EYS: variants seen among roughly 807,000 people sequenced by gnomAD.
The protein encoded by EYS is protein eyes shut homolog.
In EYS, 250 loss-of-function variants were observed where a neutral mutation model predicts 282.1. The observed-to-expected ratio is 0.89, with a 90% confidence interval of 0.80 to 0.98. The LOEUF is 0.98. EYS is among the 50% of genes least tolerant of loss of function. EYS has a pLI of 0.00. For missense variants in EYS, 4,016 were observed against 3,709.0 expected, an observed-to-expected ratio of 1.08 and a Z score of -2.15; for synonymous variants, 1,355 against 1,282.9, an observed-to-expected ratio of 1.06 and a Z score of -1.20.
intron 1 of EYS, among the ~76,000 whole-genome samples, chr6:65,659,226 C>A (rs973185151): frequency 6.6e-6 from 1 of 151,682 alleles, no homozygotes; most frequent in Non-Finnish European, 1.5e-5. Flanking sequence ...CTGCCACAAA[C>A]AACCTATATA....
chr6:64,025,004 T>G (rs968428947), intron 33 of EYS, among the ~76,000 whole-genome samples: 1 of 152,170 alleles, frequency 6.6e-6, no homozygotes, highest in African/African-American at 2.4e-5. Flanking sequence ...CACCATGTGG[T>G]GAGACCATCG....
At chr6:64,432,559 T>C (rs1774606221) in intron 28 of EYS, among the ~76,000 whole-genome samples, 1 of 150,846 alleles carries the variant, frequency 6.6e-6, no homozygotes, top group Non-Finnish European at 1.5e-5. Context: ...ATATATATTA[T>C]AGTGTAATAT....
At chr6:65,139,172 G>T (rs1581945783) in intron 12 of EYS, among the ~76,000 whole-genome samples, 2 of 151,930 alleles carry the variant, frequency 1.3e-5, no homozygotes, top group Non-Finnish European at 2.9e-5. Flanking sequence ...TAAAGGCAAG[G>T]AATCAACCTA....
chr6:65,159,963 G>C (rs768792713), intron 12 of EYS, among the ~76,000 whole-genome samples: 1 of 150,962 alleles, frequency 6.6e-6, no homozygotes, highest in Non-Finnish European at 1.5e-5. Flanking sequence ...TTAACTTCAA[G>C]GTGATTGATG....
chr6:65,221,128 A>C (rs1281379758), intron 12 of EYS, among the ~76,000 whole-genome samples: 1 of 152,246 alleles, frequency 6.6e-6, no homozygotes. Context: ...AGAGCATAAA[A>C]GTTCATAAAC....
At chr6:65,106,207 A>C (rs575703367) in intron 12 of EYS, among the ~76,000 whole-genome samples, 2 of 152,118 alleles carry the variant, frequency 1.3e-5, no homozygotes, top group East Asian at 3.9e-4. Flanking sequence ...AGGTAGTACG[A>C]TCTCTAGACG....
chr6:64,930,458 A>T (rs1475197175), intron 15 of EYS, among the ~76,000 whole-genome samples: 3 of 104,110 alleles, frequency 2.9e-5, no homozygotes, highest in Non-Finnish European at 5.6e-5. Context: ...TGCATAAATA[A>T]GGTAAAAAAA....
Position 63,726,512 on chromosome 6 carries a change from A to G in EYS, c.8233+7T>C, listed in dbSNP as rs147138312. On this transcript the variant is annotated splice_region_variant and intron_variant, in intron 42 of 42. Coordinates refer to ENST00000503581, the MANE Select transcript of EYS (RefSeq NM_001142800.2). ...CATTCTGCAAACAAACAGCCTGCCA[A>G]TCTTACCTGATTGGGCTTTTAAGTG... 18 of 1,547,746 alleles carry G rather than the reference A, an allele frequency of 1.2e-5. No homozygotes were observed. Among genetic ancestry groups the G allele is most frequent in the African/African-American group, 1.1e-4 (8 of 72,990 alleles).
At chr6:64,774,549 C>T (rs9452831) in intron 22 of EYS, among the ~76,000 whole-genome samples, 42,706 of 151,242 alleles carry the variant, frequency 0.28, 7,314 homozygotes, top group African/African-American at 0.48. Context: ...GCAATGGGTC[C>T]TATGTGGATC....
chr6:64,154,195 C>G (rs184611380), intron 31 of EYS, among the ~76,000 whole-genome samples: 179 of 152,238 alleles, frequency 1.2e-3, no homozygotes, highest in Middle Eastern at 3.4e-3. Context: ...AATCCCAGCA[C>G]TTTGGGATGC....
chr6:64,880,148 G>A (rs1338207488), intron 19 of EYS, among the ~76,000 whole-genome samples: 1 of 151,936 alleles, frequency 6.6e-6, no homozygotes, highest in Admixed American at 6.6e-5. Flanking sequence ...TTACACACAG[G>A]CGGAAAAAGC....
At chr6:64,698,554 G>A (rs1770667070) in intron 22 of EYS, among the ~76,000 whole-genome samples, 2 of 151,980 alleles carry the variant, frequency 1.3e-5, no homozygotes, top group Non-Finnish European at 2.9e-5. Context: ...GACAACCTAT[G>A]GAATGGGAGA....
At chr6:64,833,306 A>T (rs1670204720) in intron 19 of EYS, among the ~76,000 whole-genome samples, 1 of 151,956 alleles carries the variant, frequency 6.6e-6, no homozygotes. Context: ...ACCTGTGTGT[A>T]GCTAGGAAAA....
At chr6:65,019,091 C>T (rs561142183) in intron 13 of EYS, among the ~76,000 whole-genome samples, 152 of 152,260 alleles carry the variant, frequency 1.0e-3, no homozygotes, top group African/African-American at 3.4e-3. Context: ...CCGATGATTT[C>T]ACCACTTGGA....
At chr6:65,696,520 T>C (rs772289872) in intron 1 of EYS, among the ~76,000 whole-genome samples, 1 of 152,014 alleles carries the variant, frequency 6.6e-6, no homozygotes, top group Non-Finnish European at 1.5e-5. Flanking sequence ...GTTGCTATCA[T>C]TATTACAAAC....
chr6:63,866,375 G>T (rs1411063133), intron 35 of EYS, among the ~76,000 whole-genome samples: 3 of 152,156 alleles, frequency 2.0e-5, no homozygotes, highest in Non-Finnish European at 1.5e-5. Context: ...TAGGAAAGTA[G>T]CATTCTTGAG....
At chr6:64,839,953 TG>T (rs1349484472) in intron 19 of EYS, among the ~76,000 whole-genome samples, 1 of 152,072 alleles carries the variant, frequency 6.6e-6, no homozygotes, top group Non-Finnish European at 1.5e-5. Flanking sequence ...TTTTAACACA[TG>T]AATTTTGGGG....
intron 12 of EYS, among the ~76,000 whole-genome samples, chr6:65,065,384 AT>A (rs34618936): frequency 2.7e-3 from 383 of 142,920 alleles, no homozygotes; most frequent in Admixed American, 3.2e-3. Context: ...GAAAAAAACA[AT>A]TTTTTTTTTT....
chr6:63,864,393 AAC>A (rs1772622203), intron 35 of EYS, 35 bp from the exon 36 acceptor site: 1 of 1,506,298 alleles, frequency 6.6e-7, no homozygotes, highest in African/African-American at 1.4e-5. Flanking sequence ...TTCATTAGGA[AAC>A]AACTGATATT....
Sources: allele counts gnomAD v4.1 joint callset (sites outside exome capture counted in the v4.1 genomes callset), GRCh38; gene constraint gnomAD v4.1.1; transcripts MANE v1.5; gene names NCBI Gene and HGNC (gene_info 2026-07-23, HGNC 2026-07-21).